Variants in TENM3 observed in about 807,000 individuals in gnomAD.
The protein encoded by TENM3 is teneurin-3.
A neutral mutation model predicts 255.1 loss-of-function variants in TENM3; 63 were observed. That is an observed-to-expected ratio of 0.25 (90% confidence interval 0.20 to 0.30). TENM3 has a LOEUF of 0.30. Ranked by LOEUF, TENM3 falls within the 10% of genes least tolerant of loss-of-function variation. The probability of loss-of-function intolerance (pLI) is 1.00; values close to 1 mark genes in which losing one functional copy is unlikely to be tolerated. For synonymous variants in TENM3, 1,306 were observed against 1,322.3 expected (o/e 0.99, Z 0.27); for missense variants, 2,929 against 3,461.1 (o/e 0.85, Z 3.86).
At chr4:182,733,987 ATT>A (rs1442464670) in intron 16 of TENM3, among the ~76,000 whole-genome samples, 9 of 152,218 alleles carry the variant, frequency 5.9e-5, no homozygotes, top group Non-Finnish European at 1.3e-4. Flanking sequence ...TCATTCATTC[ATT>A]CATGCGGTAG....
the TENM3 span, among the ~76,000 whole-genome samples, chr4:181,664,128 T>C: frequency 6.6e-6 from 1 of 152,308 alleles, no homozygotes; most frequent in Admixed American, 6.5e-5. Context: ...GCAAGCTTCT[T>C]GCCTTTTCTG....
the TENM3 span, among the ~76,000 whole-genome samples, chr4:181,716,272 G>C: frequency 6.6e-6 from 1 of 151,986 alleles, no homozygotes; most frequent in African/African-American, 2.4e-5. Context: ...AGTAATATAT[G>C]GATTATATTG....
At chr4:181,501,988 G>A in the TENM3 span, among the ~76,000 whole-genome samples, 1 of 152,178 alleles carries the variant, frequency 6.6e-6, no homozygotes, top group South Asian at 2.1e-4. Context: ...CGGATTAACA[G>A]TGCCTGTTTC....
intron 3 of TENM3, among the ~76,000 whole-genome samples, chr4:182,579,597 T>C (rs1745286519): frequency 6.6e-6 from 1 of 152,258 alleles, no homozygotes; most frequent in Middle Eastern, 3.4e-3. Flanking sequence ...ACAGTGCACA[T>C]AGGGAAGAGA....
At chr4:182,399,501 G>C (rs534770805) in intron 3 of TENM3, among the ~76,000 whole-genome samples, 2 of 152,122 alleles carry the variant, frequency 1.3e-5, no homozygotes, top group Non-Finnish European at 2.9e-5. Flanking sequence ...ATATTTCTGC[G>C]TGTGAAAATT....
rs183224031 is a variant in TENM3, at chr4:182,621,130, G to A, written c.750-7521G>A. Among the ~76,000 whole-genome samples, 256 of 151,744 alleles carry A rather than the reference G, an allele frequency of 1.7e-3. 1 individual carries two copies. The highest frequency in any genetic ancestry group is 3.4e-3 in the Middle Eastern group (1 of 294). ...CAGGAGGCAGAGCTTGCAGTGAACC[G>A]AGGTCGCACCACTGCACTCCAGCCT... On this transcript the variant is annotated intron_variant, in intron 4 of 27. Coordinates refer to ENST00000511685, the MANE Select transcript of TENM3 (RefSeq NM_001080477.4).
Position 182,714,118 on chromosome 4 carries a change from A to G in TENM3, c.2253A>G (p.Gly751=). The G allele has an allele frequency of 1.2e-6, 2 of 1,613,880 alleles. No homozygotes were observed. The highest frequency in any genetic ancestry group is 1.7e-6 in the Non-Finnish European group (2 of 1,179,838). The change falls in exon 13 of 28, where the codon GGA becomes GGG. Residue 751 remains glycine (G), a synonymous_variant. Transcript: ENST00000511685. The stretch of plus-strand genomic sequence containing the variant: ...GTCCTGGTCTGTGCAACAGCAATGG[A>G]AGATGTACCCTGGACCAAAATGGCT... ...EGCPGLCNSN[G]RCTLDQNGWH...
the TENM3 span, among the ~76,000 whole-genome samples, chr4:182,072,845 C>A: frequency 6.6e-6 from 1 of 152,218 alleles, no homozygotes; most frequent in Admixed American, 6.5e-5. Flanking sequence ...TTGTGCTCCC[C>A]AAAATTTGCA....
the TENM3 span, among the ~76,000 whole-genome samples, chr4:181,472,571 G>T: frequency 6.6e-6 from 1 of 152,120 alleles, no homozygotes; most frequent in Admixed American, 6.5e-5. Flanking sequence ...TGGATGCTGG[G>T]CAAGGGCAGG....
At chr4:182,769,644 A>C (rs114383888) in intron 22 of TENM3, among the ~76,000 whole-genome samples, 4,459 of 151,782 alleles carry the variant, frequency 0.029, 177 homozygotes, top group South Asian at 0.1. Flanking sequence ...AAATTACAGA[A>C]ACAGTGGCAG....
the TENM3 span, among the ~76,000 whole-genome samples, chr4:181,633,552 C>T: frequency 2.0e-4 from 31 of 151,998 alleles, no homozygotes; most frequent in Non-Finnish European, 3.7e-4. Flanking sequence ...GACCCTGAGC[C>T]TTAAATGAGA....
the TENM3 span, among the ~76,000 whole-genome samples, chr4:182,124,887 A>T: frequency 2.0e-5 from 3 of 152,042 alleles, no homozygotes; most frequent in Admixed American, 2.0e-4. Context: ...CTCACTGTCC[A>T]GCTGGGACGG....
chr4:182,581,938 G>A (rs10029178), intron 3 of TENM3, among the ~76,000 whole-genome samples: 99,411 of 151,944 alleles, frequency 0.65, 34,841 homozygotes, highest in Non-Finnish European at 0.78. Context: ...AGCATAAGAG[G>A]GAGGAAAATC....
intron 4 of TENM3, among the ~76,000 whole-genome samples, chr4:182,620,881 A>G (rs1750058432): frequency 2.6e-5 from 4 of 152,066 alleles, no homozygotes; most frequent in Non-Finnish European, 1.5e-5. Flanking sequence ...GGTGCATGGC[A>G]CCATGCTAGG....
the TENM3 span, among the ~76,000 whole-genome samples, chr4:181,551,410 T>A: frequency 6.6e-6 from 1 of 152,130 alleles, no homozygotes; most frequent in Non-Finnish European, 1.5e-5. Context: ...ACATAATGTT[T>A]AACGTGGGCT....
At chr4:181,608,710 T>A in the TENM3 span, among the ~76,000 whole-genome samples, 1 of 152,162 alleles carries the variant, frequency 6.6e-6, no homozygotes, top group African/African-American at 2.4e-5. Context: ...GATCCTTGAA[T>A]GTTATCAAGT....
chr4:182,585,591 A>G (rs1283099037), intron 3 of TENM3, among the ~76,000 whole-genome samples: 1 of 152,130 alleles, frequency 6.6e-6, no homozygotes, highest in East Asian at 1.9e-4. Flanking sequence ...CCAGAAACCA[A>G]CCGACCCTGC....
the TENM3 span, among the ~76,000 whole-genome samples, chr4:181,491,839 G>A: frequency 0.61 from 92,938 of 151,888 alleles, 28,611 homozygotes; most frequent in South Asian, 0.68. Context: ...AAATCACCTC[G>A]CTTAATGTAT....
chr4:182,502,027 G>T (rs548016812), intron 3 of TENM3, among the ~76,000 whole-genome samples: 17 of 152,184 alleles, frequency 1.1e-4, no homozygotes, highest in African/African-American at 3.6e-4. Flanking sequence ...GAAATCATTT[G>T]CTGTCAGAAT....
Sources: allele counts gnomAD v4.1 joint callset (sites outside exome capture counted in the v4.1 genomes callset), GRCh38; gene constraint gnomAD v4.1.1; transcripts MANE v1.5; gene names NCBI Gene and HGNC (gene_info 2026-07-23, HGNC 2026-07-21).